Variants in TMEM38B observed in about 807,000 individuals in gnomAD.
TMEM38B encodes the protein trimeric intracellular cation channel type B.
A neutral mutation model predicts 28.7 loss-of-function variants in TMEM38B; 24 were observed. The observed-to-expected ratio is 0.84, with a 90% CI of 0.61 to 1.18. TMEM38B has a LOEUF of 1.18. Ranked by LOEUF, TMEM38B falls within the 50% of genes most tolerant of loss-of-function variation. TMEM38B has a pLI of 0.00. For synonymous variants in TMEM38B, 131 were observed against 127.7 expected, an observed-to-expected ratio of 1.03 and a Z score of -0.17; for missense variants, 380 against 350.9, an observed-to-expected ratio of 1.08 and a Z score of -0.66.
At chr9:105,710,785 G>A in intron 2 of TMEM38B, 2 of 503,548 alleles carry the variant, frequency 4.0e-6, no homozygotes, top group Admixed American at 4.6e-5. Flanking sequence ...GGGACATGAA[G>A]GCTGCGTGTC....
At chr9:105,759,891 C>T in intron 5 of TMEM38B, 1 of 1,593,046 alleles carries the variant, frequency 6.3e-7, no homozygotes. Flanking sequence ...ATAGTTGTAT[C>T]AACACACCAG....
chr9:105,739,620 G>A (rs528486911), intron 4 of TMEM38B, among the ~76,000 whole-genome samples: 306 of 152,146 alleles, frequency 2.0e-3, no homozygotes, highest in Non-Finnish European at 3.6e-3. Context: ...TGCCTCCTGG[G>A]TTCAAGTGAT....
intron 1 of TMEM38B, among the ~76,000 whole-genome samples, chr9:105,704,693 A>G (rs1835590947): frequency 6.6e-6 from 1 of 152,032 alleles, no homozygotes; most frequent in South Asian, 2.1e-4. Context: ...TGGGAGGCCG[A>G]GGTGGGTGGA....
At chr9:105,739,187 T>A (rs2133603716) in intron 4 of TMEM38B, among the ~76,000 whole-genome samples, 1 of 152,326 alleles carries the variant, frequency 6.6e-6, no homozygotes, top group Middle Eastern at 3.4e-3. Flanking sequence ...ATTTCTAGAC[T>A]GTCTGTTCTA....
intron 2 of TMEM38B, among the ~76,000 whole-genome samples, chr9:105,717,764 A>G (rs888725826): frequency 2.6e-5 from 4 of 152,134 alleles, no homozygotes; most frequent in East Asian, 3.8e-4. Context: ...AGTCCATTAT[A>G]TTAATATCTA....
intron 1 of TMEM38B, among the ~76,000 whole-genome samples, chr9:105,703,038 T>C (rs1835513380): frequency 6.6e-6 from 1 of 152,236 alleles, no homozygotes; most frequent in East Asian, 1.9e-4. Flanking sequence ...TTAAACATCT[T>C]ATATTTGGAA....
intron 5 of TMEM38B, 62 bp from the exon 6 acceptor site, chr9:105,773,803 C>T (rs1433255781): frequency 7.3e-6 from 11 of 1,502,418 alleles, no homozygotes; most frequent in East Asian, 2.3e-5. Context: ...CCTTTTGTTT[C>T]TCTCTCTTGA....
At position 105,694,727 on chromosome 9, in the gene TMEM38B, A is replaced by G. The variant is rs765964820; in HGVS notation, c.67A>G (p.Ile23Val). 1 of 1,613,538 alleles carries G rather than the reference A, an allele frequency of 6.2e-7. No individual in the cohort carries two copies. Among genetic ancestry groups the G allele is most frequent in the Non-Finnish European group, 8.5e-7 (1 of 1,179,762 alleles). The part of the protein sequence containing the change: ...SRTSMFPFFD[I>V]AHYLVSVMAV... ...CACGTCCATGTTTCCCTTTTTTGAC[A>G]TCGCGCACTATCTAGTGTCAGTGAT... The change falls in exon 1 of 6, where the codon ATC becomes GTC. Residue 23 changes from isoleucine (I) to valine (V), a missense_variant. Coordinates refer to ENST00000374692, the MANE Select transcript of TMEM38B (RefSeq NM_018112.3).
chr9:105,726,861 CT>C (rs964818042), intron 4 of TMEM38B, among the ~76,000 whole-genome samples: 44 of 151,352 alleles, frequency 2.9e-4, no homozygotes, highest in African/African-American at 9.7e-4. Flanking sequence ...TCCTCTAGTC[CT>C]TTTTTTTGCC....
intron 4 of TMEM38B, among the ~76,000 whole-genome samples, chr9:105,738,751 C>T (rs1031551446): frequency 4.7e-5 from 6 of 128,496 alleles, no homozygotes; most frequent in African/African-American, 2.0e-4. Flanking sequence ...CAAGGTCTCA[C>T]TCCGTCGCCC....
In TMEM38B at chr9:105,774,181, T is replaced by G; in HGVS notation, c.*101T>G. 1 of 924,256 alleles carries G rather than the reference T, an allele frequency of 1.1e-6. No homozygotes were observed. The highest frequency in any genetic ancestry group is 2.7e-5 in the Admixed American group (1 of 37,142). 57.3% of individuals were successfully genotyped at this position (924,256 alleles called of 1,614,324 possible). A position where few individuals can be genotyped will look rare whatever the true frequency, so the allele number is the denominator to read the frequency against. On this transcript the variant is annotated 3_prime_UTR_variant, in exon 6 of 6. Transcript: ENST00000374692. Reference sequence around the variant, plus strand: ...TATGTGATGTGAAATGAAGACTATATATATGGAATGGAGGTGACAGAAAGA... The same window carrying G: ...TATGTGATGTGAAATGAAGACTATAGATATGGAATGGAGGTGACAGAAAGA...
At position 105,776,565 on chromosome 9, in the gene TMEM38B, T is replaced by A. The variant is rs1465480880; in HGVS notation, c.*2485T>A. The A allele has an allele frequency of 6.6e-6, 1 of 152,170 alleles. No individual in the cohort carries two copies. Among genetic ancestry groups the A allele is most frequent in the Non-Finnish European group, 1.5e-5 (1 of 68,032 alleles). 9.4% of individuals were successfully genotyped at this position (152,170 alleles called of 1,614,324 possible). A position where few individuals can be genotyped will look rare whatever the true frequency, so the allele number is the denominator to read the frequency against. The stretch of plus-strand genomic sequence containing the variant: ...ATCCCATGTTGTAAATGGAATAATG[T>A]GTTCAGAATGCTCTTTCTTTCCCCC... On this transcript the variant is annotated 3_prime_UTR_variant, in exon 6 of 6. Coordinates refer to ENST00000374692, the MANE Select transcript of TMEM38B (RefSeq NM_018112.3).
At chr9:105,710,270 A>G in intron 2 of TMEM38B, 3 of 627,520 alleles carry the variant, frequency 4.8e-6, no homozygotes, top group Non-Finnish European at 8.8e-6. Context: ...ACTGTACTGG[A>G]TATTCCAGCT....
intron 5 of TMEM38B, among the ~76,000 whole-genome samples, chr9:105,748,853 A>AT (rs1305662861): frequency 6.6e-6 from 1 of 152,192 alleles, no homozygotes; most frequent in African/African-American, 2.4e-5. Context: ...CTGACTGTTC[A>AT]TACCATGATT....
rs1826709453 is a variant in TMEM38B, at chr9:105,775,958, A to G, written c.*1878A>G. The G allele has an allele frequency of 1.3e-5, 2 of 152,190 alleles. No homozygotes were observed. The highest frequency in any genetic ancestry group is 1.3e-4 in the Admixed American group (2 of 15,264). 9.4% of individuals were successfully genotyped at this position (152,190 alleles called of 1,614,324 possible). On this transcript the variant is annotated 3_prime_UTR_variant, in exon 6 of 6. Transcript: ENST00000374692. The stretch of plus-strand genomic sequence containing the variant: ...GGTAGAAACTTTATTAATCTATGCA[A>G]GTATCCTATAACCCTCAATTCAAGG...
intron 5 of TMEM38B, among the ~76,000 whole-genome samples, chr9:105,761,062 C>A (rs1434831055): frequency 2.6e-5 from 4 of 152,160 alleles, no homozygotes; most frequent in Non-Finnish European, 5.9e-5. Context: ...CTATGTTCAT[C>A]AAGATTAAAC....
intron 4 of TMEM38B, among the ~76,000 whole-genome samples, chr9:105,733,607 T>C (rs1336122777): frequency 6.6e-6 from 1 of 152,008 alleles, no homozygotes; most frequent in Non-Finnish European, 1.5e-5. Flanking sequence ...GGGCTTTTTA[T>C]TCCCTTGGGA....
intron 4 of TMEM38B, among the ~76,000 whole-genome samples, chr9:105,735,931 G>T (rs1279202775): frequency 6.6e-6 from 1 of 152,098 alleles, no homozygotes. Flanking sequence ...CAGTGGCATG[G>T]ACATAGCTCA....
chr9:105,750,847 T>C (rs562389738), intron 5 of TMEM38B, among the ~76,000 whole-genome samples: 84 of 152,224 alleles, frequency 5.5e-4, no homozygotes, highest in Non-Finnish European at 9.6e-4. Flanking sequence ...GTCCAAGTTT[T>C]CTCATGTGGA....
Sources: gnomAD v4.1 joint callset for allele counts (sites outside exome capture counted in the v4.1 genomes callset) on GRCh38, gnomAD v4.1.1 for gene constraint, MANE v1.5 for transcripts, NCBI Gene and HGNC (gene_info 2026-07-23, HGNC 2026-07-21) for gene names.